CNIH3: variants seen among roughly 807,000 people sequenced by gnomAD.
The protein encoded by CNIH3 is cornichon family AMPA receptor auxiliary protein 3, also known as protein cornichon homolog 3.
Under a neutral mutation model 24.1 loss-of-function variants are expected in CNIH3, and 14 were observed. That is an observed-to-expected ratio of 0.58 (90% CI 0.38 to 0.91). The LOEUF (loss-of-function observed/expected upper bound fraction) is 0.91. CNIH3 is among the 40% of genes least tolerant of loss of function. CNIH3 has a pLI of 0.00. For synonymous variants in CNIH3, 68 were observed against 73.8 expected (o/e 0.92, Z 0.40); for missense variants, 178 against 196.8 (o/e 0.90, Z 0.57).
At chr1:224,439,461 G>A (rs987172404) in intron 1 of CNIH3, among the ~76,000 whole-genome samples, 8 of 151,756 alleles carry the variant, frequency 5.3e-5, no homozygotes, top group South Asian at 2.1e-4. Flanking sequence ...CCATAGAAAC[G>A]AGATCATTCT....
chr1:224,575,227 A>T, intron 4 of CNIH3: 1 of 1,341,670 alleles, frequency 7.5e-7, no homozygotes, highest in Non-Finnish European at 1.1e-6. Flanking sequence ...GTGATCCCCA[A>T]GTCTGTGACA....
At chr1:224,513,348 G>A (rs1305926668), upstream of CNIH3, among the ~76,000 whole-genome samples, 10 of 136,042 alleles carry the variant, frequency 7.4e-5, no homozygotes, top group Admixed American at 5.2e-4. Flanking sequence ...AGTTGGGGGT[G>A]GGGGTGGGGG....
intron 1 of CNIH3, among the ~76,000 whole-genome samples, chr1:224,483,260 G>T (rs1051910526): frequency 6.6e-6 from 1 of 152,190 alleles, no homozygotes; most frequent in Non-Finnish European, 1.5e-5. Flanking sequence ...TGAGGCACAA[G>T]AATTGCTTGA....
intron 1 of CNIH3, among the ~76,000 whole-genome samples, chr1:224,622,936 A>G (rs1182248352): frequency 1.3e-5 from 2 of 152,156 alleles, no homozygotes; most frequent in African/African-American, 2.4e-5. Flanking sequence ...ATTCTTCAGT[A>G]GCTGTGCTAT....
chr1:224,530,076 G>T (rs1679004146), intron 2 of CNIH3, among the ~76,000 whole-genome samples: 1 of 152,172 alleles, frequency 6.6e-6, no homozygotes, highest in African/African-American at 2.4e-5. Context: ...TCTGCCTTCT[G>T]GGGCAGGAGA....
At chr1:224,532,491 A>G (rs1018492654) in intron 2 of CNIH3, among the ~76,000 whole-genome samples, 1 of 152,218 alleles carries the variant, frequency 6.6e-6, no homozygotes, top group Non-Finnish European at 1.5e-5. Context: ...TCTTGCAGTT[A>G]TCCAGGTGAG....
At chr1:224,591,074 C>T (rs1214645517), downstream of CNIH3, among the ~76,000 whole-genome samples, 1 of 152,104 alleles carries the variant, frequency 6.6e-6, no homozygotes, top group East Asian at 1.9e-4. Context: ...CTGATCTTAC[C>T]TTTCTAAGTA....
chr1:224,484,555 T>C (rs1001905612), intron 1 of CNIH3, among the ~76,000 whole-genome samples: 8 of 152,244 alleles, frequency 5.3e-5, no homozygotes, highest in African/African-American at 1.4e-4. Context: ...TGTAGTTTTA[T>C]CAAATTTATA....
chr1:224,695,941 TCTC>T (rs1431943248), intron 3 of CNIH3, among the ~76,000 whole-genome samples: 2 of 152,206 alleles, frequency 1.3e-5, no homozygotes, highest in Non-Finnish European at 2.9e-5. Context: ...ATAATATCCT[TCTC>T]CTCTCATTAA....
chr1:224,681,471 C>T (rs1469923467), intron 2 of CNIH3, among the ~76,000 whole-genome samples: 1 of 152,284 alleles, frequency 6.6e-6, no homozygotes, highest in Middle Eastern at 3.4e-3. Flanking sequence ...CATCCATCAC[C>T]CAGAAAGCAT....
chr1:224,678,959 C>T (rs1686267784), intron 1 of CNIH3, among the ~76,000 whole-genome samples: 1 of 151,988 alleles, frequency 6.6e-6, no homozygotes, highest in Admixed American at 6.6e-5. Context: ...GCCTTACAGC[C>T]TGTAACTACT....
chr1:224,449,206 C>T lies in CNIH3; in HGVS notation n.203+14344C>T, dbSNP rs370215509. ...GTCTCGATCTCTTGACCTTGTGATCCGCCTGCCTCGGCCTCCCAAAGTGCT... is the reference window on the plus strand; with the variant it reads ...GTCTCGATCTCTTGACCTTGTGATCTGCCTGCCTCGGCCTCCCAAAGTGCT... On this transcript the variant is annotated intron_variant and non_coding_transcript_variant, in intron 1 of 5. Coordinates refer to the CNIH3 transcript ENST00000471578. 8.0e-4 allele frequency among the ~76,000 whole-genome samples: 121 copies of T among 151,990 alleles called. 2 individuals carry two copies. The South Asian group carries it at 0.014, about 17-fold the overall frequency.
chr1:224,457,275 C>CTCTGTG (rs1272033015), intron 1 of CNIH3, among the ~76,000 whole-genome samples: 48 of 42,730 alleles, frequency 1.1e-3, no homozygotes, highest in African/African-American at 2.3e-3. Flanking sequence ...CTCTCTCTCT[C>CTCTGTG]TGTGTGTGTG....
chr1:224,592,913 A>G (rs181249176), downstream of CNIH3, among the ~76,000 whole-genome samples: 830 of 152,278 alleles, frequency 5.5e-3, 31 homozygotes, highest in Non-Finnish European at 2.0e-3. Flanking sequence ...AGTTTCTAAC[A>G]AAGGCTCATT....
At chr1:224,574,024 A>G (rs1029541567) in intron 4 of CNIH3, among the ~76,000 whole-genome samples, 9 of 152,152 alleles carry the variant, frequency 5.9e-5, no homozygotes, top group Admixed American at 5.9e-4. Flanking sequence ...CAGCCTCCCA[A>G]GGTGTTGGGA....
upstream of CNIH3, among the ~76,000 whole-genome samples, chr1:224,615,048 G>A (rs1238378125): frequency 1.3e-5 from 2 of 152,162 alleles, no homozygotes; most frequent in Non-Finnish European, 2.9e-5. Context: ...TTAGGAGTCC[G>A]CAGACAGGAT....
At chr1:224,452,397 A>G (rs12354311) in intron 1 of CNIH3, among the ~76,000 whole-genome samples, 1 of 151,592 alleles carries the variant, frequency 6.6e-6, no homozygotes. Context: ...TGATCCACCC[A>G]CTTCAGCCTT....
chr1:224,498,996 G>A (rs1572364958), intron 1 of CNIH3, among the ~76,000 whole-genome samples: 1 of 152,184 alleles, frequency 6.6e-6, no homozygotes, highest in South Asian at 2.1e-4. Flanking sequence ...CTCCCCAGAG[G>A]GCTGGGAACC....
upstream of CNIH3, among the ~76,000 whole-genome samples, chr1:224,514,371 A>G (rs895358948): frequency 3.3e-5 from 5 of 152,180 alleles, no homozygotes; most frequent in Admixed American, 2.6e-4. Context: ...GTCCACAGTT[A>G]CACTCCAGCC....
Sources: gnomAD v4.1 joint callset for allele counts (sites outside exome capture counted in the v4.1 genomes callset) on GRCh38, gnomAD v4.1.1 for gene constraint, MANE v1.5 for transcripts, NCBI Gene and HGNC (gene_info 2026-07-23, HGNC 2026-07-21) for gene names.